THSD7B: variants seen among roughly 807,000 people sequenced by gnomAD.
THSD7B encodes the protein thrombospondin type 1 domain containing 7B.
A neutral mutation model predicts 213.6 loss-of-function variants in THSD7B; 138 were observed. The ratio of observed to expected loss-of-function variants is 0.65; its 90% confidence interval spans 0.56 to 0.74. The LOEUF (loss-of-function observed/expected upper bound fraction) is 0.74, where lower values mean the gene tolerates loss of function less well. THSD7B is among the 30% of genes least tolerant of loss of function. THSD7B has a pLI of 0.00. For missense variants in THSD7B, 1,931 were observed against 1,991.5 expected, an observed-to-expected ratio of 0.97 and a Z score of 0.58; for synonymous variants, 742 against 687.0, an observed-to-expected ratio of 1.08 and a Z score of -1.25.
chr2:137,317,986 G>A (rs1215072406), intron 12 of THSD7B, among the ~76,000 whole-genome samples: 1 of 152,096 alleles, frequency 6.6e-6, no homozygotes, highest in Non-Finnish European at 1.5e-5. Context: ...ATTCCTGTTT[G>A]AGTTCTAAAT....
intron 12 of THSD7B, among the ~76,000 whole-genome samples, chr2:137,316,419 G>T (rs1684100437): frequency 6.6e-6 from 1 of 152,184 alleles, no homozygotes; most frequent in Non-Finnish European, 1.5e-5. Flanking sequence ...ATTTCCCAAA[G>T]ATTTTGGAAA....
intron 7 of THSD7B, among the ~76,000 whole-genome samples, chr2:137,223,476 T>C (rs1326856141): frequency 6.6e-6 from 1 of 152,098 alleles, no homozygotes; most frequent in African/African-American, 2.4e-5. Context: ...AAATGAAATA[T>C]CGAGTTTTAC....
At chr2:136,790,143 T>TTG (rs762073169) in intron 1 of THSD7B, among the ~76,000 whole-genome samples, 3 of 138,636 alleles carry the variant, frequency 2.2e-5, no homozygotes, top group African/African-American at 7.6e-5. Flanking sequence ...GTGTGTGTGT[T>TTG]TGTGTGTGTG....
chr2:136,984,059 T>TA (rs1685630814), intron 2 of THSD7B, among the ~76,000 whole-genome samples: 3 of 152,108 alleles, frequency 2.0e-5, no homozygotes, highest in Non-Finnish European at 4.4e-5. Context: ...AGTAAGATTT[T>TA]AAAAAAAGAG....
In THSD7B at chr2:137,639,535, A is replaced by T. The variant is rs139734373; in HGVS notation, c.3800-2953A>T. On this transcript the variant is annotated intron_variant, in intron 20 of 27. Transcript: ENST00000409968. ...CTAGTGGAGCTGTGAGAAGAGGGCC[A>T]TTGTTCTACATCCTCGTGAATGGTA... Among the ~76,000 whole-genome samples, 4 of 152,254 alleles carry T rather than the reference A, an allele frequency of 2.6e-5. No homozygotes were observed. The East Asian group carries it at 7.8e-4, about 30-fold the overall frequency.
intron 12 of THSD7B, among the ~76,000 whole-genome samples, chr2:137,299,070 G>T (rs1683537934): frequency 6.6e-6 from 1 of 152,110 alleles, no homozygotes; most frequent in Admixed American, 6.5e-5. Context: ...CAGAAGGGAG[G>T]CTGTACCCTG....
At chr2:137,497,190 A>G (rs912493541) in intron 15 of THSD7B, among the ~76,000 whole-genome samples, 1 of 129,446 alleles carries the variant, frequency 7.7e-6, no homozygotes, top group Admixed American at 8.6e-5. Flanking sequence ...CACACATACA[A>G]CACATACACA....
chr2:137,400,107 A>G (rs1366746714), intron 12 of THSD7B, among the ~76,000 whole-genome samples: 3 of 151,662 alleles, frequency 2.0e-5, no homozygotes, highest in African/African-American at 7.3e-5. Context: ...TTGATTTTCT[A>G]ATTTTTTTGT....
chr2:136,806,994 C>T (rs1682293544), intron 1 of THSD7B, among the ~76,000 whole-genome samples: 1 of 152,192 alleles, frequency 6.6e-6, no homozygotes. Context: ...GGGAAGACCA[C>T]TGAGGTGAAG....
chr2:136,777,279 A>T (rs529631460), intron 1 of THSD7B, among the ~76,000 whole-genome samples: 1 of 152,324 alleles, frequency 6.6e-6, no homozygotes, highest in Middle Eastern at 3.4e-3. Flanking sequence ...TGTATAGTAC[A>T]TGAGAGCCCA....
At chr2:136,933,809 G>C (rs1411080234) in intron 2 of THSD7B, among the ~76,000 whole-genome samples, 1 of 151,850 alleles carries the variant, frequency 6.6e-6, no homozygotes, top group Non-Finnish European at 1.5e-5. Flanking sequence ...TAATCTAATT[G>C]ATATTGAACC....
chr2:137,564,573 G>A (rs959931299), intron 16 of THSD7B, among the ~76,000 whole-genome samples: 13 of 152,026 alleles, frequency 8.6e-5, no homozygotes, highest in African/African-American at 1.2e-4. Context: ...TTTGAAAAAC[G>A]ATTGACCAAC....
intron 12 of THSD7B, among the ~76,000 whole-genome samples, chr2:137,334,148 A>G (rs969113329): frequency 4.7e-5 from 7 of 149,690 alleles, no homozygotes; most frequent in Non-Finnish European, 8.9e-5. Context: ...GTTCCAAATC[A>G]TTCATTTCTT....
intron 2 of THSD7B, among the ~76,000 whole-genome samples, chr2:136,943,945 G>A (rs960603644): frequency 5.3e-5 from 8 of 151,896 alleles, no homozygotes; most frequent in East Asian, 1.9e-4. Flanking sequence ...GTTTGCTCTC[G>A]CTTCTCTAGT....
intron 3 of THSD7B, among the ~76,000 whole-genome samples, chr2:137,073,292 G>C (rs143312239): frequency 2.0e-5 from 3 of 150,820 alleles, no homozygotes; most frequent in African/African-American, 7.3e-5. Flanking sequence ...GCCTGTTATT[G>C]TTCTATTCAG....
At chr2:137,215,293 G>A (rs1380028514) in intron 7 of THSD7B, among the ~76,000 whole-genome samples, 1 of 152,066 alleles carries the variant, frequency 6.6e-6, no homozygotes, top group Non-Finnish European at 1.5e-5. Context: ...TTTGTTTCTT[G>A]TAAATTTGTT....
intron 2 of THSD7B, among the ~76,000 whole-genome samples, chr2:137,043,785 GA>G (rs1686923422): frequency 6.6e-6 from 1 of 152,256 alleles, no homozygotes; most frequent in African/African-American, 2.4e-5. Context: ...GGGCAAGGGG[GA>G]AAAGAGAAAT....
intron 3 of THSD7B, among the ~76,000 whole-genome samples, chr2:137,086,731 T>G (rs918483632): frequency 1.3e-5 from 2 of 152,174 alleles, no homozygotes; most frequent in Non-Finnish European, 2.9e-5. Context: ...ATTAATGATG[T>G]GAGAGGAACA....
intron 15 of THSD7B, among the ~76,000 whole-genome samples, chr2:137,546,190 G>T (rs1680704654): frequency 6.8e-6 from 1 of 147,076 alleles, no homozygotes; most frequent in African/African-American, 2.5e-5. Flanking sequence ...TAAGCAATTA[G>T]AACTGATATT....
Sources: allele counts gnomAD v4.1 joint callset (sites outside exome capture counted in the v4.1 genomes callset), GRCh38; gene constraint gnomAD v4.1.1; transcripts MANE v1.5; gene names NCBI Gene and HGNC (gene_info 2026-07-23, HGNC 2026-07-21).